ENTPD1: variants seen among roughly 807,000 people sequenced by gnomAD.
ENTPD1 encodes the protein ATP diphosphohydrolase.
Under a neutral mutation model 57.0 loss-of-function variants are expected in ENTPD1, and 33 were observed. The observed-to-expected ratio is 0.58, with a 90% CI of 0.44 to 0.77. The LOEUF (loss-of-function observed/expected upper bound fraction) is 0.77, where lower values mean the gene tolerates loss of function less well. Ranked by LOEUF, ENTPD1 falls within the 30% of genes least tolerant of loss-of-function variation. ENTPD1 has a pLI of 0.00. For missense variants in ENTPD1, 501 were observed against 603.4 expected (o/e 0.83, Z 1.78); for synonymous variants, 202 against 218.8 (o/e 0.92, Z 0.68).
At chr10:95,706,452 C>A in the ENTPD1 span, among the ~76,000 whole-genome samples, 1 of 152,174 alleles carries the variant, frequency 6.6e-6, no homozygotes, top group Non-Finnish European at 1.5e-5. Context: ...AAGTGTTCAG[C>A]TCTCAGCATA....
At chr10:95,782,589 G>A (rs2098162215) in intron 1 of ENTPD1, among the ~76,000 whole-genome samples, 1 of 152,060 alleles carries the variant, frequency 6.6e-6, no homozygotes, top group African/African-American at 2.4e-5. Context: ...ACCCAGTATT[G>A]GGCAAAAGAG....
At chr10:95,809,155 C>T (rs1348592988) in intron 1 of ENTPD1, among the ~76,000 whole-genome samples, 6 of 152,366 alleles carry the variant, frequency 3.9e-5, no homozygotes, top group Admixed American at 3.3e-4. Flanking sequence ...TCTGATCTCT[C>T]TTTCTTTTCC....
intron 1 of ENTPD1, among the ~76,000 whole-genome samples, chr10:95,725,442 A>G (rs1360429157): frequency 6.6e-6 from 1 of 152,160 alleles, no homozygotes; most frequent in African/African-American, 2.4e-5. Context: ...CATATGAACT[A>G]ATATAGCAAC....
At chr10:95,749,125 C>T (rs902468787) in intron 1 of ENTPD1, among the ~76,000 whole-genome samples, 1 of 152,146 alleles carries the variant, frequency 6.6e-6, no homozygotes, top group Admixed American at 6.6e-5. Flanking sequence ...TGGTGATACC[C>T]AAATGCTACC....
At chr10:95,815,793 A>T (rs945275976) in intron 1 of ENTPD1, among the ~76,000 whole-genome samples, 3 of 152,234 alleles carry the variant, frequency 2.0e-5, no homozygotes, top group Non-Finnish European at 1.5e-5. Flanking sequence ...TCAGAGCAGG[A>T]CTGGAAGTTT....
At chr10:95,724,242 G>A (rs888871318) in intron 1 of ENTPD1, among the ~76,000 whole-genome samples, 8 of 149,896 alleles carry the variant, frequency 5.3e-5, no homozygotes, top group Non-Finnish European at 1.2e-4. Context: ...CACACTAATC[G>A]TTTTTAACTG....
intron 1 of ENTPD1, among the ~76,000 whole-genome samples, chr10:95,804,250 G>T: frequency 6.6e-6 from 1 of 152,192 alleles, no homozygotes; most frequent in Non-Finnish European, 1.5e-5. Flanking sequence ...GAAAGTCATT[G>T]GTAGCTTGGT....
Position 95,875,693 on chromosome 10 carries a change from A to T in ENTPD1, c.*9310A>T, listed in dbSNP as rs1306465366. ...TGGGAACAAAAAGAGGTTTAATTGGACTTATAGTTCCACCTGGCTGGGGAG... is the reference window on the plus strand; with the variant it reads ...TGGGAACAAAAAGAGGTTTAATTGGTCTTATAGTTCCACCTGGCTGGGGAG... On this transcript the variant is annotated 3_prime_UTR_variant, in exon 10 of 10. Transcript: ENST00000371205. 6.0e-6 allele frequency: 1 copy of T among 167,724 alleles called. No individual in the cohort carries two copies. The highest frequency in any genetic ancestry group is 2.4e-5 in the African/African-American group (1 of 41,612). The allele number at this position is 167,724 out of a possible 1,614,324, so 10.4% of individuals were successfully genotyped here.
chr10:95,726,449 T>C (rs2097983741), intron 1 of ENTPD1, among the ~76,000 whole-genome samples: 1 of 152,228 alleles, frequency 6.6e-6, no homozygotes, highest in African/African-American at 2.4e-5. Flanking sequence ...ACTATTCTTT[T>C]AGGGTATATA....
chr10:95,844,533 CA>C lies in ENTPD1; in HGVS notation c.473del (p.Asn158ThrfsTer41). 1 of 1,614,218 alleles carries C rather than the reference CA, an allele frequency of 6.2e-7. No homozygotes were observed. Reference sequence around the variant, plus strand: ...TGGATGTGGTGGAGAGGAGCCTCAGCAACTACCCCTTTGACTTCCAGGGTGC... The same window carrying C: ...TGGATGTGGTGGAGAGGAGCCTCAGCACTACCCCTTTGACTTCCAGGGTGC... ...VLDVVERSLS[N>X]YPFDFQGARI... On this transcript the variant is annotated frameshift_variant, in exon 5 of 10. Transcript: ENST00000371205. LOFTEE classifies it high-confidence loss of function.
intron 1 of ENTPD1, among the ~76,000 whole-genome samples, chr10:95,750,402 GTTGT>G (rs1281911245): frequency 6.6e-6 from 1 of 152,094 alleles, no homozygotes; most frequent in Non-Finnish European, 1.5e-5. Flanking sequence ...TTGAAATCTG[GTTGT>G]TTAAGAGTCT....
Position 95,872,762 on chromosome 10 carries a change from G to A in ENTPD1, c.*6379G>A, listed in dbSNP as rs1033086379. Reference sequence around the variant, plus strand: ...CCTTCTGTTGCTGGCGAGCTGGTCCGCACCACTAGTTCTGCTTCACTCTAT... The same window carrying A: ...CCTTCTGTTGCTGGCGAGCTGGTCCACACCACTAGTTCTGCTTCACTCTAT... On this transcript the variant is annotated 3_prime_UTR_variant, in exon 10 of 10. Transcript: ENST00000371205. 14 of 985,300 alleles carry A rather than the reference G, an allele frequency of 1.4e-5. No individual in the cohort carries two copies. The highest frequency in any genetic ancestry group is 9.4e-5 in the South Asian group (2 of 21,286). 61.0% of individuals were successfully genotyped at this position (985,300 alleles called of 1,614,324 possible). A position where few individuals can be genotyped will look rare whatever the true frequency, so the allele number is the denominator to read the frequency against.
chr10:95,855,031 G>T (rs930882777), intron 7 of ENTPD1, among the ~76,000 whole-genome samples: 5 of 152,194 alleles, frequency 3.3e-5, no homozygotes, highest in Non-Finnish European at 7.3e-5. Flanking sequence ...AATGTTGACA[G>T]TGGGGTGTTA....
intron 1 of ENTPD1, among the ~76,000 whole-genome samples, chr10:95,721,569 G>T (rs1039886772): frequency 6.6e-6 from 1 of 151,984 alleles, no homozygotes; most frequent in East Asian, 1.9e-4. Flanking sequence ...ATTTACCTAG[G>T]TCTATTTTAA....
chr10:95,791,369 G>T lies in ENTPD1; in HGVS notation c.17-31868G>T, dbSNP rs182534645. ...ATGTAAAGAATGGTAAATGGAACTGGAGCTATTTAGCCTGGAGAATAGGGG... is the reference window on the plus strand; with the variant it reads ...ATGTAAAGAATGGTAAATGGAACTGTAGCTATTTAGCCTGGAGAATAGGGG... On this transcript the variant is annotated intron_variant, in intron 1 of 9. Transcript: ENST00000371205. This position sits in a 1 kb window ranked among gnomAD's most constrained non-coding sequence, Gnocchi z 4.1. Among the ~76,000 whole-genome samples the T allele has an allele frequency of 6.6e-6, 1 of 152,136 alleles. No homozygotes were observed. Among genetic ancestry groups the T allele is most frequent in the South Asian group, 2.1e-4 (1 of 4,824 alleles).
intron 1 of ENTPD1, among the ~76,000 whole-genome samples, chr10:95,773,271 T>C (rs1040522952): frequency 6.6e-6 from 1 of 152,178 alleles, no homozygotes; most frequent in Non-Finnish European, 1.5e-5. Context: ...GAGACAAATA[T>C]CCAAACCGTA....
At chr10:95,843,740 A>C (rs2098427202) in intron 4 of ENTPD1, among the ~76,000 whole-genome samples, 1 of 152,194 alleles carries the variant, frequency 6.6e-6, no homozygotes, top group Non-Finnish European at 1.5e-5. Flanking sequence ...AAAGCTGGGG[A>C]TAAAAGGAAG....
the ENTPD1 span, among the ~76,000 whole-genome samples, chr10:95,706,018 G>A: frequency 6.6e-6 from 1 of 152,220 alleles, no homozygotes; most frequent in Admixed American, 6.5e-5. Context: ...AAGTTCACTT[G>A]AGCCTGGGAG....
chr10:95,805,603 T>G (rs2098268856), intron 1 of ENTPD1, among the ~76,000 whole-genome samples: 1 of 152,234 alleles, frequency 6.6e-6, no homozygotes, highest in African/African-American at 2.4e-5. Flanking sequence ...CTTTACAATT[T>G]GGCATGTTTT....
Sources: allele counts gnomAD v4.1 joint callset (sites outside exome capture counted in the v4.1 genomes callset), GRCh38; gene constraint gnomAD v4.1.1; non-coding constraint Gnocchi (gnomAD v3.1); transcripts MANE v1.5; gene names NCBI Gene and HGNC (gene_info 2026-07-23, HGNC 2026-07-21).